The following NDC80 variants were observed in gnomAD, a reference collection of about 807,000 sequenced individuals.
NDC80 encodes the protein kinetochore protein NDC80 homolog.
Under a neutral mutation model 89.3 loss-of-function variants are expected in NDC80, and 69 were observed. The observed-to-expected ratio is 0.77, with a 90% CI of 0.64 to 0.94. The LOEUF is 0.94. Ranked by LOEUF, NDC80 falls within the 40% of genes least tolerant of loss-of-function variation. The pLI, the probability that NDC80 is intolerant of heterozygous loss-of-function variation, is 0.00. For synonymous variants in NDC80, 243 were observed against 255.6 expected, an observed-to-expected ratio of 0.95 and a Z score of 0.47; for missense variants, 593 against 739.6, an observed-to-expected ratio of 0.80 and a Z score of 2.30.
intron 10 of NDC80, 103 bp downstream of exon 10, chr18:2,590,265 A>C (rs2072621105): frequency 1.6e-6 from 2 of 1,225,182 alleles, no homozygotes; most frequent in African/African-American, 1.6e-5. Context: ...TCTGTGGTAC[A>C]TGCTTAGAGC....
chr18:2,612,276 CTTTTTTTTTTTTTTTTTTTT>C (rs55648444), intron 16 of NDC80, among the ~76,000 whole-genome samples: 2 of 60,398 alleles, frequency 3.3e-5, no homozygotes, highest in Non-Finnish European at 5.8e-5. Context: ...TCTTTTCTTT[CTTTTTTTTTTTTTTTTTTTT>C]TTTTTTTTTT....
chr18:2,612,569 A>G (rs945671992), intron 16 of NDC80, among the ~76,000 whole-genome samples: 1 of 152,062 alleles, frequency 6.6e-6, no homozygotes, highest in Non-Finnish European at 1.5e-5. Context: ...GATTGCAGGC[A>G]TGAGCCACTC....
intron 3 of NDC80, among the ~76,000 whole-genome samples, chr18:2,576,642 G>A (rs994781657): frequency 1.3e-5 from 2 of 152,196 alleles, no homozygotes; most frequent in Non-Finnish European, 2.9e-5. Flanking sequence ...CTGCAGGTTG[G>A]AGAAGGATTA....
rs554197656 is a variant in NDC80 at position 2,573,552 on chromosome 18, A to G, written c.101+466A>G. On this transcript the variant is annotated intron_variant, in intron 2 of 16. Transcript: ENST00000261597. ...CTCTTTCCTCAAGATTTGCTGGAAA[A>G]ATATCTGAAAGAACCTGCTGTCATA... 3.3e-4 allele frequency among the ~76,000 whole-genome samples: 51 copies of G among 152,312 alleles called. 1 individual carries two copies. The South Asian group carries it at 6.4e-3, about 19-fold the overall frequency.
intron 3 of NDC80, chr18:2,577,489 C>T (rs946029123): frequency 1.1e-4 from 34 of 321,706 alleles, no homozygotes; most frequent in African/African-American, 6.6e-4. Context: ...GCTGGGATTA[C>T]AGGCATGAGC....
At chr18:2,577,184 G>T (rs1426178468) in intron 3 of NDC80, 1 of 150,376 alleles carries the variant, frequency 6.6e-6, no homozygotes, top group Non-Finnish European at 1.5e-5. Context: ...CCTCAGAACT[G>T]CCCTGTGAGA....
In NDC80 at chr18:2,615,528, T is replaced by G. The variant is rs151253690; in HGVS notation, c.1792-909T>G. 5.3e-5 allele frequency among the ~76,000 whole-genome samples: 8 copies of G among 152,364 alleles called. No homozygotes were observed. In the East Asian group the frequency reaches 1.5e-3, roughly 29 times the overall value. ...CTCTTCTAAGGACCCACCTGGATAG[T>G]GCAGGATAATCTCCTTTTCTCAAGA... On this transcript the variant is annotated intron_variant, in intron 16 of 16. Transcript: ENST00000261597.
intron 12 of NDC80, among the ~76,000 whole-genome samples, chr18:2,600,040 A>G (rs975058193): frequency 6.6e-6 from 1 of 152,232 alleles, no homozygotes; most frequent in Non-Finnish European, 1.5e-5. Flanking sequence ...TACATCCAGT[A>G]AACATTTAGT....
At chr18:2,578,221 G>A (rs1360257469) in intron 5 of NDC80, 80 bp downstream of exon 5, 1 of 1,366,802 alleles carries the variant, frequency 7.3e-7, no homozygotes, top group East Asian at 2.3e-5. Flanking sequence ...TAAAAAGTTT[G>A]AGTTACAGAA....
intron 14 of NDC80, among the ~76,000 whole-genome samples, chr18:2,607,713 G>T (rs1254278052): frequency 6.6e-6 from 1 of 151,494 alleles, no homozygotes; most frequent in South Asian, 2.1e-4. Flanking sequence ...AAACAATAGA[G>T]ACTCGAGAGA....
chr18:2,578,428 C>A (rs1045839286), intron 5 of NDC80, among the ~76,000 whole-genome samples: 12 of 151,752 alleles, frequency 7.9e-5, no homozygotes, highest in African/African-American at 2.9e-4. Context: ...TAAAAAAAAA[C>A]TACTCGTAGA....
At chr18:2,610,598 A>T (rs937740479) in intron 15 of NDC80, among the ~76,000 whole-genome samples, 161 bp from the exon 16 acceptor site, 40 of 152,182 alleles carry the variant, frequency 2.6e-4, no homozygotes, top group Non-Finnish European at 5.7e-4. Context: ...TTCTCTTTTA[A>T]TTATTGATAG....
chr18:2,576,729 C>T (rs372533940), intron 3 of NDC80, among the ~76,000 whole-genome samples: 3 of 152,058 alleles, frequency 2.0e-5, no homozygotes, highest in East Asian at 1.9e-4. Context: ...GACACAAATG[C>T]GTTTATTGTC....
At chr18:2,578,603 G>A (rs555910406) in intron 5 of NDC80, among the ~76,000 whole-genome samples, 3 of 152,284 alleles carry the variant, frequency 2.0e-5, no homozygotes, top group South Asian at 2.1e-4. Context: ...AAAGTGGGAA[G>A]AATGGATTTG....
At chr18:2,578,255 T>C (rs966193740) in intron 5 of NDC80, 114 bp downstream of exon 5, 4 of 992,808 alleles carry the variant, frequency 4.0e-6, no homozygotes, top group Non-Finnish European at 1.5e-6. Context: ...AGATGACCAC[T>C]GTGGGCAATA....
rs528460104 is a variant in NDC80 at position 2,586,828 on chromosome 18, A to G, written c.670-1002A>G. 2.0e-5 allele frequency among the ~76,000 whole-genome samples: 3 copies of G among 152,366 alleles called. 1 individual carries two copies. Among genetic ancestry groups the G allele is most frequent in the South Asian group, 2.1e-4 (1 of 4,828 alleles). On this transcript the variant is annotated intron_variant, in intron 7 of 16. Coordinates refer to ENST00000261597, the MANE Select transcript of NDC80 (RefSeq NM_006101.3). Reference sequence around the variant, plus strand: ...TAGCTATTATTTCAAATGACAATATATAGAGAAGCACATGGGAAACTATAA... The same window carrying G: ...TAGCTATTATTTCAAATGACAATATGTAGAGAAGCACATGGGAAACTATAA...
intron 10 of NDC80, among the ~76,000 whole-genome samples, chr18:2,590,409 A>G (rs1034136240): frequency 5.9e-5 from 9 of 152,218 alleles, no homozygotes; most frequent in African/African-American, 4.8e-5. Context: ...GCAGATCTGC[A>G]TCCCTCCAAG....
chr18:2,573,541 T>C (rs1042488581), intron 2 of NDC80, among the ~76,000 whole-genome samples: 5 of 152,170 alleles, frequency 3.3e-5, no homozygotes, highest in African/African-American at 7.2e-5. Context: ...TTCCTCAAGA[T>C]TTGCTGGAAA....
intron 10 of NDC80, chr18:2,594,470 C>T (rs1240294017): frequency 6.2e-6 from 1 of 162,308 alleles, no homozygotes. Flanking sequence ...TTTCATGGTC[C>T]TGAGAAACCT....
Sources: allele counts gnomAD v4.1 joint callset (sites outside exome capture counted in the v4.1 genomes callset), GRCh38; gene constraint gnomAD v4.1.1; transcripts MANE v1.5; gene names NCBI Gene and HGNC (gene_info 2026-07-23, HGNC 2026-07-21).